The following PTPRU variants were observed in gnomAD, a reference collection of about 807,000 sequenced individuals.
The protein encoded by PTPRU is protein tyrosine phosphatase receptor type U, also known as receptor-type tyrosine-protein phosphatase U.
In PTPRU, 69 loss-of-function variants were observed where a neutral mutation model predicts 166.3. The ratio of observed to expected loss-of-function variants is 0.41; its 90% CI spans 0.34 to 0.51. The LOEUF is 0.51. PTPRU is among the 20% of genes least tolerant of loss of function. The pLI, the probability that PTPRU is intolerant of heterozygous loss-of-function variation, is 0.09. For missense variants in PTPRU, 1,657 were observed against 2,013.7 expected, an observed-to-expected ratio of 0.82 and a Z score of 3.39; for synonymous variants, 793 against 814.0, an observed-to-expected ratio of 0.97 and a Z score of 0.44.
At chr1:29,261,374 G>C (rs1311398340) in intron 7 of PTPRU, among the ~76,000 whole-genome samples, 1 of 152,086 alleles carries the variant, frequency 6.6e-6, no homozygotes, top group Non-Finnish European at 1.5e-5. Flanking sequence ...CTCTTGTCTG[G>C]GTGTTGAGCC....
Position 29,237,748 on chromosome 1 carries a change from C to G in PTPRU, c.73+1031C>G, listed in dbSNP as rs941010000. On this transcript the variant is annotated intron_variant, in intron 1 of 29. Coordinates refer to ENST00000373779, the MANE Select transcript of PTPRU (RefSeq NM_133178.4). The surrounding 1 kb of genome is among the most constrained non-coding windows in gnomAD (Gnocchi z 6.4). ...GCGCGGCGCTGGCGGGCGGCTGATC[C>G]GAGGCGGCGCCGGGGCTGCGGGGCG... 1.3e-5 allele frequency among the ~76,000 whole-genome samples: 2 copies of G among 149,152 alleles called. No individual in the cohort carries two copies. The highest frequency in any genetic ancestry group is 3.0e-5 in the Non-Finnish European group (2 of 67,092).
intron 8 of PTPRU, 148 bp downstream of exon 8, chr1:29,275,904 T>G (rs1183533919): frequency 3.3e-6 from 3 of 906,726 alleles, no homozygotes; most frequent in Non-Finnish European, 4.9e-6. Context: ...ATAGCTCCTA[T>G]TTTTTCTCTG....
At chr1:29,262,372 A>G (rs796220964) in intron 7 of PTPRU, among the ~76,000 whole-genome samples, 15 of 152,344 alleles carry the variant, frequency 9.8e-5, no homozygotes, top group African/African-American at 2.6e-4. Flanking sequence ...GGTTTTTAGT[A>G]TACGGTAGTC....
intron 15 of PTPRU, among the ~76,000 whole-genome samples, chr1:29,300,336 T>A (rs1687082742): frequency 6.6e-6 from 1 of 152,166 alleles, no homozygotes; most frequent in Admixed American, 6.5e-5. Context: ...TCCACTCCTC[T>A]CTTGAAGATT....
chr1:29,260,523 G>A lies in PTPRU; in HGVS notation c.851-87G>A. The A allele has an allele frequency of 1.9e-6, 2 of 1,027,434 alleles. No homozygotes were observed. The allele number at this position is 1,027,434 out of a possible 1,614,324, so 63.6% of individuals were successfully genotyped here. A position where few individuals can be genotyped will look rare whatever the true frequency, so the allele number is the denominator to read the frequency against. On this transcript the variant is annotated intron_variant, in intron 6 of 29. Transcript: ENST00000373779. The surrounding 1 kb of genome is among the most constrained non-coding windows in gnomAD (Gnocchi z 8.3). Reference sequence around the variant, plus strand: ...TGAGAGGCCCTAGGAGGACGGAGAGGGATTTGGGTGTGGTGGAACTCAGAG... The same window carrying A: ...TGAGAGGCCCTAGGAGGACGGAGAGAGATTTGGGTGTGGTGGAACTCAGAG...
Position 29,258,643 on chromosome 1 carries a change from G to A in PTPRU, c.344G>A (p.Gly115Asp), listed in dbSNP as rs1168892771. The A allele has an allele frequency of 2.5e-6, 4 of 1,614,128 alleles. No homozygotes were observed. Among genetic ancestry groups the A allele is most frequent in the Non-Finnish European group, 3.4e-6 (4 of 1,180,050 alleles). Residue 115 changes from glycine (G) to aspartate (D), a missense_variant, in exon 3 of 30, where the codon GGC becomes GAC. Gly to Asp is a moderately conservative substitution (Grantham distance 94). Transcript: ENST00000373779. ...FLYSRDGHSP[G>D]TLGVYVRVNG... is the part of the protein sequence containing the mutation. ...TACAGCCGGGACGGGCACAGCCCGG[G>A]CACCCTGGGCGTCTACGTGCGCGTT... is the stretch of plus-strand genomic sequence containing the variant.
At position 29,325,751 on chromosome 1, in the gene PTPRU, C is replaced by T. The variant is rs11556356; in HGVS notation, c.*90C>T. 1.5e-6 allele frequency: 2 copies of T among 1,342,200 alleles called. No homozygotes were observed. The highest frequency in any genetic ancestry group is 2.3e-5 in the East Asian group (1 of 42,750). 83.1% of individuals were successfully genotyped at this position (1,342,200 alleles called of 1,614,324 possible). ...GGAAGATCAGTGCCTCCTGCTCTGC[C>T]CAAACACACTCCCATGGGGCAAGCA... is the stretch of plus-strand genomic sequence containing the variant. On this transcript the variant is annotated 3_prime_UTR_variant, in exon 30 of 30. Transcript: ENST00000373779.
chr1:29,254,432 G>A (rs532199480), intron 1 of PTPRU, among the ~76,000 whole-genome samples: 2 of 152,136 alleles, frequency 1.3e-5, no homozygotes, highest in Non-Finnish European at 2.9e-5. Context: ...GTTAGTACTG[G>A]TTGCAAATCA....
Position 29,260,958 on chromosome 1 carries a change from G to T in PTPRU, c.1144+55G>T. The T allele has an allele frequency of 6.8e-7, 1 of 1,460,460 alleles. No homozygotes were observed. 90.5% of individuals were successfully genotyped at this position (1,460,460 alleles called of 1,614,324 possible). ...TCTCTGGTGGGCCCAGGGCTATGGA[G>T]GGGCGCATTCGAGAGGTAGCGTGGC... On this transcript the variant is annotated intron_variant, in intron 7 of 29. Coordinates refer to ENST00000373779, the MANE Select transcript of PTPRU (RefSeq NM_133178.4). The surrounding 1 kb of genome is among the most constrained non-coding windows in gnomAD (Gnocchi z 8.3).
chr1:29,259,901 G>T lies in PTPRU; in HGVS notation c.707G>T (p.Gly236Val), dbSNP rs1286979969. The T allele has an allele frequency of 6.5e-6, 10 of 1,532,102 alleles. No homozygotes were observed. Among genetic ancestry groups the T allele is most frequent in the East Asian group, 2.4e-5 (1 of 40,862 alleles). The allele number at this position is 1,532,102 out of a possible 1,614,324, so 94.9% of individuals were successfully genotyped here. Reference sequence around the variant, plus strand: ...AGCGGGGCGCTGGTGCCGGCGGCGGGCGTGCGGCACATCAGCCACCGGCGC... The same window carrying T: ...AGCGGGGCGCTGGTGCCGGCGGCGGTCGTGCGGCACATCAGCCACCGGCGC... ...RQSGALVPAA[G>V]VRHISHRRFL... The change falls in exon 6 of 30, where the codon GGC becomes GTC. Residue 236 changes from glycine to valine, a missense_variant. Transcript: ENST00000373779.
At chr1:29,285,823 C>G (rs1222487897) in intron 14 of PTPRU, among the ~76,000 whole-genome samples, 3 of 152,240 alleles carry the variant, frequency 2.0e-5, no homozygotes, top group Non-Finnish European at 4.4e-5. Flanking sequence ...TTTGCCAGCT[C>G]TGCCCCACCA....
chr1:29,249,005 G>A (rs1684422591), intron 1 of PTPRU, among the ~76,000 whole-genome samples: 2 of 152,188 alleles, frequency 1.3e-5, no homozygotes, highest in South Asian at 4.1e-4. Context: ...AGGTGAGGAG[G>A]TAAGGATTCA....
intron 26 of PTPRU, 78 bp from the exon 27 acceptor site, chr1:29,323,293 C>T: frequency 6.5e-7 from 1 of 1,537,168 alleles, no homozygotes; most frequent in Non-Finnish European, 8.8e-7. Flanking sequence ...AAGTGTGGAG[C>T]CCTTGGGGTG....
rs1165372311 is a variant in PTPRU at position 29,259,878 on chromosome 1, CGGGGCG to C, written c.685_690del (p.Gly229_Ala230del). ...CACTCTCTTCCCTGCAGCGGCAGAG[CGGGGCG>C]CTGGTGCCGGCGGCGGGCGTGCGGC... On this transcript the variant is annotated inframe_deletion, in exon 6 of 30. Transcript: ENST00000373779. The C allele has an allele frequency of 6.5e-7, 1 of 1,530,200 alleles. No homozygotes were observed. Among genetic ancestry groups the C allele is most frequent in the Non-Finnish European group, 8.7e-7 (1 of 1,144,862 alleles). The allele number at this position is 1,530,200 out of a possible 1,614,324, so 94.8% of individuals were successfully genotyped here. A position where few individuals can be genotyped will look rare whatever the true frequency, so the allele number is the denominator to read the frequency against.
chr1:29,293,163 A>T (rs940417158), intron 15 of PTPRU, among the ~76,000 whole-genome samples: 2 of 152,140 alleles, frequency 1.3e-5, no homozygotes, highest in African/African-American at 4.8e-5. Flanking sequence ...TATTTTTAGT[A>T]GATGGGGTTT....
chr1:29,320,721 C>T lies in PTPRU; in HGVS notation c.3724C>T (p.His1242Tyr), dbSNP rs1196278445. 1 of 1,606,646 alleles carries T rather than the reference C, an allele frequency of 6.2e-7. No individual in the cohort carries two copies. Among genetic ancestry groups the T allele is most frequent in the Non-Finnish European group, 8.5e-7 (1 of 1,174,404 alleles). Reference sequence around the variant, plus strand: ...GAGTGCGGCCTTCATCGTGACCCTGCACCCGCTGCAGAGCACCACGCCCGA... The same window carrying T: ...GAGTGCGGCCTTCATCGTGACCCTGTACCCGCTGCAGAGCACCACGCCCGA... Reference protein sequence around the residue: ...TRSAAFIVTLHPLQSTTPDFW... With the variant: ...TRSAAFIVTLYPLQSTTPDFW... The change falls in exon 26 of 30, where the codon CAC becomes TAC. Residue 1242 changes from histidine to tyrosine, a missense_variant. Coordinates refer to ENST00000373779, the MANE Select transcript of PTPRU (RefSeq NM_133178.4). The surrounding 1 kb of genome is among the most constrained non-coding windows in gnomAD (Gnocchi z 5.2).
intron 1 of PTPRU, among the ~76,000 whole-genome samples, chr1:29,251,123 C>T (rs747673784): frequency 2.6e-5 from 4 of 152,226 alleles, no homozygotes; most frequent in South Asian, 2.1e-4. Context: ...TATGGTGGCA[C>T]GTGCCTATAA....
intron 7 of PTPRU, among the ~76,000 whole-genome samples, chr1:29,265,059 TGAGCATTCA>T (rs1314160361): frequency 6.6e-6 from 1 of 152,264 alleles, no homozygotes; most frequent in Non-Finnish European, 1.5e-5. Flanking sequence ...AAAGCTTCTG[TGAGCATTCA>T]TACAGAGGTT....
At chr1:29,250,853 C>G (rs1456758108) in intron 1 of PTPRU, among the ~76,000 whole-genome samples, 6 of 152,204 alleles carry the variant, frequency 3.9e-5, no homozygotes, top group Non-Finnish European at 8.8e-5. Context: ...GAGCCTGTCC[C>G]CAGAGATGTT....
Sources: gnomAD v4.1 joint callset for allele counts (sites outside exome capture counted in the v4.1 genomes callset) on GRCh38, gnomAD v4.1.1 for gene constraint, Gnocchi (gnomAD v3.1) non-coding constraint, MANE v1.5 for transcripts, NCBI Gene and HGNC (gene_info 2026-07-23, HGNC 2026-07-21) for gene names.